SPOCK3: variants seen among roughly 807,000 people sequenced by gnomAD.
SPOCK3 encodes testican-3.
SPOCK3 carries 30 observed loss-of-function variants against 56.6 expected under a neutral mutation model. The observed-to-expected ratio is 0.53, with a 90% CI of 0.40 to 0.72. SPOCK3 has a LOEUF of 0.72. SPOCK3 is among the 30% of genes least tolerant of loss of function. The probability of loss-of-function intolerance (pLI) is 0.00; values close to 1 mark genes in which losing one functional copy is unlikely to be tolerated. For synonymous variants in SPOCK3, 196 were observed against 183.3 expected (o/e 1.07, Z -0.56); for missense variants, 527 against 530.0 (o/e 0.99, Z 0.06).
At chr4:167,093,173 A>G (rs1206564725) in intron 2 of SPOCK3, among the ~76,000 whole-genome samples, 1 of 152,124 alleles carries the variant, frequency 6.6e-6, no homozygotes, top group African/African-American at 2.4e-5. Context: ...TTTATTGCAC[A>G]TGCCATATTG....
At chr4:166,965,725 G>A (rs1744664268) in intron 4 of SPOCK3, among the ~76,000 whole-genome samples, 1 of 151,978 alleles carries the variant, frequency 6.6e-6, no homozygotes, top group African/African-American at 2.4e-5. Context: ...TCAATATTGA[G>A]TAGCAGGTAC....
intron 6 of SPOCK3, among the ~76,000 whole-genome samples, chr4:166,860,393 C>T (rs1014237244): frequency 8.6e-5 from 13 of 151,910 alleles, no homozygotes; most frequent in African/African-American, 3.1e-4. Flanking sequence ...TTTTACACCA[C>T]TGTGAGAAAA....
intron 7 of SPOCK3, among the ~76,000 whole-genome samples, chr4:166,776,654 G>A (rs1056176121): frequency 6.6e-6 from 1 of 152,080 alleles, no homozygotes; most frequent in Non-Finnish European, 1.5e-5. Context: ...TTAACAAAGG[G>A]ATCTAGGAAG....
chr4:166,809,492 C>A (rs1013486996), intron 6 of SPOCK3, among the ~76,000 whole-genome samples: 1 of 151,930 alleles, frequency 6.6e-6, no homozygotes, highest in Non-Finnish European at 1.5e-5. Flanking sequence ...TATTAACAAA[C>A]AATTCTGATA....
chr4:166,895,321 A>C (rs1206529841), intron 5 of SPOCK3, among the ~76,000 whole-genome samples: 2 of 152,122 alleles, frequency 1.3e-5, no homozygotes, highest in Non-Finnish European at 2.9e-5. Flanking sequence ...TGTTAAAAAT[A>C]ATAAAAAATA....
intron 7 of SPOCK3, among the ~76,000 whole-genome samples, chr4:166,762,855 T>C (rs1737427831): frequency 2.6e-5 from 4 of 151,710 alleles, no homozygotes; most frequent in South Asian, 4.2e-4. Flanking sequence ...ATAAAGCACA[T>C]AGGAGAAAGA....
chr4:166,822,632 C>T (rs910099003), intron 6 of SPOCK3, among the ~76,000 whole-genome samples: 2 of 152,136 alleles, frequency 1.3e-5, no homozygotes, highest in African/African-American at 4.8e-5. Context: ...GCACTCCGTA[C>T]ACTCCAAGCT....
intron 4 of SPOCK3, among the ~76,000 whole-genome samples, chr4:166,915,334 A>T (rs868335162): frequency 2.5e-4 from 38 of 152,156 alleles, no homozygotes; most frequent in African/African-American, 6.5e-4. Flanking sequence ...TTAAAAAAAA[A>T]TGTTTCTTAT....
At chr4:166,912,382 A>G (rs1023964616) in intron 5 of SPOCK3, among the ~76,000 whole-genome samples, 1 of 152,206 alleles carries the variant, frequency 6.6e-6, no homozygotes. Context: ...GTAGCAACAA[A>G]GGAAAGGTTG....
chr4:166,763,116 A>C (rs1737471873), intron 7 of SPOCK3, among the ~76,000 whole-genome samples: 1 of 149,434 alleles, frequency 6.7e-6, no homozygotes, highest in Non-Finnish European at 1.5e-5. Context: ...CAAATTGGTG[A>C]AAGCCAGCAT....
In SPOCK3 at chr4:166,754,737, C is replaced by T. The variant is rs573730407; in HGVS notation, c.710-8G>A. On this transcript the variant is annotated splice_region_variant and splice_polypyrimidine_tract_variant and intron_variant, in intron 7 of 10. Transcript: ENST00000357545. ...AGATGCTGGTATCGAATCCTAAAGGCAAAAAAAAGAAAATGATTAGTTAAA... is the reference window on the plus strand; with the variant it reads ...AGATGCTGGTATCGAATCCTAAAGGTAAAAAAAAGAAAATGATTAGTTAAA... 1.3e-6 allele frequency: 2 copies of T among 1,596,576 alleles called. No individual in the cohort carries two copies. Among genetic ancestry groups the T allele is most frequent in the African/African-American group, 2.7e-5 (2 of 73,162 alleles).
chr4:167,026,581 T>C (rs1028822639), intron 3 of SPOCK3, among the ~76,000 whole-genome samples: 1 of 152,030 alleles, frequency 6.6e-6, no homozygotes, highest in Non-Finnish European at 1.5e-5. Context: ...CACTATATAG[T>C]AGTAATTGAA....
chr4:166,912,726 A>G lies in SPOCK3; in HGVS notation c.368T>C (p.Val123Ala). 6.2e-7 allele frequency: 1 copy of G among 1,601,836 alleles called. No individual in the cohort carries two copies. Among genetic ancestry groups the G allele is most frequent in the Non-Finnish European group, 8.5e-7 (1 of 1,176,180 alleles). The change falls in exon 5 of 11, where the codon GTA (valine) becomes GCA (alanine). Residue 123 changes from valine (V) to alanine (A), a missense_variant. By Grantham distance (64) the Val-to-Ala change is moderately conservative (BLOSUM62 0). Coordinates refer to ENST00000357545, the MANE Select transcript of SPOCK3 (RefSeq NM_001040159.2). ...RLTHRMKEAG[V>A]DHRQWRGPIL... Reference sequence around the variant, plus strand: ...GGGACCCCTCCACTGCCTATGGTCTACTCCTGCTTCTTTCATCCTGTTAAA... The same window carrying G: ...GGGACCCCTCCACTGCCTATGGTCTGCTCCTGCTTCTTTCATCCTGTTAAA...
chr4:167,110,338 GAAAT>G (rs1760793284), intron 2 of SPOCK3, among the ~76,000 whole-genome samples: 2 of 151,990 alleles, frequency 1.3e-5, no homozygotes, highest in East Asian at 3.9e-4. Context: ...GAAAGAAAAA[GAAAT>G]AAATAAACTC....
chr4:167,095,444 A>T (rs182458590), intron 2 of SPOCK3, among the ~76,000 whole-genome samples: 1 of 152,208 alleles, frequency 6.6e-6, no homozygotes, highest in East Asian at 1.9e-4. Context: ...TCTCTGACTA[A>T]TCCTAAGGCA....
At chr4:166,946,823 T>C (rs183802571) in intron 4 of SPOCK3, among the ~76,000 whole-genome samples, 1 of 152,326 alleles carries the variant, frequency 6.6e-6, no homozygotes, top group East Asian at 1.9e-4. Context: ...TTCTCACAGA[T>C]AGCACCTATA....
At chr4:167,205,355 T>TATTTTATATATATA (rs1734053592) in intron 2 of SPOCK3, among the ~76,000 whole-genome samples, 1 of 38,992 alleles carries the variant, frequency 2.6e-5, no homozygotes, top group Admixed American at 5.6e-4. Flanking sequence ...ATATATAATA[T>TATTTTATATATATA]ATATATTATA....
At chr4:166,808,737 T>C (rs1000090742) in intron 6 of SPOCK3, among the ~76,000 whole-genome samples, 14 of 152,262 alleles carry the variant, frequency 9.2e-5, no homozygotes, top group African/African-American at 3.1e-4. Context: ...TTCAGTGTTA[T>C]GGCAACATAT....
At chr4:166,769,953 G>C (rs895143284) in intron 7 of SPOCK3, among the ~76,000 whole-genome samples, 1 of 152,142 alleles carries the variant, frequency 6.6e-6, no homozygotes, top group Non-Finnish European at 1.5e-5. Context: ...TGCTAGTAAC[G>C]AGTGAGGCTT....
Sources: gnomAD v4.1 joint callset for allele counts (sites outside exome capture counted in the v4.1 genomes callset) on GRCh38, gnomAD v4.1.1 for gene constraint, MANE v1.5 for transcripts, NCBI Gene and HGNC (gene_info 2026-07-23, HGNC 2026-07-21) for gene names.